GINM1: variants seen among roughly 807,000 people sequenced by gnomAD.
GINM1 encodes the protein glycoprotein integral membrane protein 1.
In GINM1, 29 loss-of-function variants were observed where a neutral mutation model predicts 37.8. The ratio of observed to expected loss-of-function variants is 0.77; its 90% CI spans 0.57 to 1.05. GINM1 has a LOEUF of 1.05. Among genes scored for constraint, GINM1 ranks in the 50% least tolerant of loss-of-function variants. GINM1 has a pLI of 0.00. For missense variants in GINM1, 377 were observed against 397.9 expected (o/e 0.95, Z 0.45); for synonymous variants, 143 against 146.2 (o/e 0.98, Z 0.16).
At chr6:149,581,964 T>TAA (rs1778009148) in intron 6 of GINM1, 1 of 464,934 alleles carries the variant, frequency 2.2e-6, no homozygotes, top group South Asian at 1.6e-5. Flanking sequence ...CTCTCGCTCT[T>TAA]AAAGTATAGA....
At chr6:149,581,098 C>G (rs1777993681) in intron 6 of GINM1, among the ~76,000 whole-genome samples, 2 of 152,138 alleles carry the variant, frequency 1.3e-5, no homozygotes, top group African/African-American at 4.8e-5. Flanking sequence ...AATATACTTC[C>G]TAGAGTCAGC....
intron 3 of GINM1, among the ~76,000 whole-genome samples, chr6:149,576,624 C>CGATA (rs751281623): frequency 6.6e-6 from 1 of 151,920 alleles, no homozygotes; most frequent in Non-Finnish European, 1.5e-5. Context: ...ATTCATAGAT[C>CGATA]GATAGATAGA....
rs188579475 is a variant in GINM1, at chr6:149,581,039, G to C, written c.717+316G>C. Among the ~76,000 whole-genome samples, 13 of 152,290 alleles carry C rather than the reference G, an allele frequency of 8.5e-5. No individual in the cohort carries two copies. The East Asian group carries it at 2.3e-3, about 27-fold the overall frequency. The stretch of plus-strand genomic sequence containing the variant: ...CCCGCTACCTCGCATACACACATAT[G>C]CATTGTGCCCCCAGGATCTTGCCCA... On this transcript the variant is annotated intron_variant, in intron 6 of 7. Transcript: ENST00000367419.
intron 1 of GINM1, among the ~76,000 whole-genome samples, chr6:149,570,641 C>G (rs189614205): frequency 6.6e-6 from 1 of 152,222 alleles, no homozygotes; most frequent in East Asian, 1.9e-4. Flanking sequence ...GTCTTATTCT[C>G]TCATTTGTGG....
chr6:149,587,193 G>C (rs557402879), intron 7 of GINM1, among the ~76,000 whole-genome samples: 1 of 152,266 alleles, frequency 6.6e-6, no homozygotes, highest in Admixed American at 6.5e-5. Flanking sequence ...AAAATACTTT[G>C]GTTTTTCCTA....
At chr6:149,586,591 A>T (rs1778074347) in intron 7 of GINM1, among the ~76,000 whole-genome samples, 1 of 152,212 alleles carries the variant, frequency 6.6e-6, no homozygotes. Context: ...AATATTACAC[A>T]TGAAGTCTCT....
rs1008399296 is a variant in GINM1, at chr6:149,566,716, G to A, written c.120+182G>A. ...GCGGCGTGGGAGGCCGAGGTAAGAG[G>A]AAAGGGACCCACTGGGGCTGCGTCG... On this transcript the variant is annotated intron_variant, in intron 1 of 7. Coordinates refer to ENST00000367419, the MANE Select transcript of GINM1 (RefSeq NM_138785.5). The surrounding 1 kb of genome is among the most constrained non-coding windows in gnomAD (Gnocchi z 4.4). Among the ~76,000 whole-genome samples, 3 of 152,206 alleles carry A rather than the reference G, an allele frequency of 2.0e-5. No homozygotes were observed. The highest frequency in any genetic ancestry group is 2.9e-5 in the Non-Finnish European group (2 of 68,034).
chr6:149,572,171 A>C, intron 1 of GINM1, 114 bp from the exon 2 acceptor site: 2 of 533,186 alleles, frequency 3.8e-6, no homozygotes, highest in Non-Finnish European at 6.7e-6. Context: ...AAACTCTCTT[A>C]ATGCTGTTAT....
intron 7 of GINM1, among the ~76,000 whole-genome samples, chr6:149,587,189 C>T (rs1160960438): frequency 6.6e-6 from 1 of 152,116 alleles, no homozygotes; most frequent in Non-Finnish European, 1.5e-5. Context: ...AGGAAAAATA[C>T]TTTGGTTTTT....
intron 7 of GINM1, among the ~76,000 whole-genome samples, chr6:149,584,103 G>A (rs1778037645): frequency 6.6e-6 from 1 of 152,048 alleles, no homozygotes; most frequent in African/African-American, 2.4e-5. Flanking sequence ...AGCCTCCCGA[G>A]TAGCTGGGAT....
chr6:149,572,631 T>C (rs1777846704), intron 3 of GINM1, 28 bp downstream of exon 3: 4 of 1,238,254 alleles, frequency 3.2e-6, no homozygotes, highest in Non-Finnish European at 3.6e-6. Context: ...ATTTCCATAA[T>C]TGCTCTGTTT....
chr6:149,580,744 T>C, intron 6 of GINM1, 21 bp downstream of exon 6: 1 of 1,609,432 alleles, frequency 6.2e-7, no homozygotes, highest in Non-Finnish European at 8.5e-7. Flanking sequence ...TATTTGGTGT[T>C]ATCATAAGCA....
chr6:149,583,094 C>T (rs1778024646), intron 7 of GINM1, among the ~76,000 whole-genome samples: 2 of 152,040 alleles, frequency 1.3e-5, no homozygotes, highest in African/African-American at 2.4e-5. Flanking sequence ...TTTGGGAGTC[C>T]AAGGCAGGTG....
At chr6:149,572,825 C>G (rs1208168493) in intron 3 of GINM1, among the ~76,000 whole-genome samples, 1 of 152,096 alleles carries the variant, frequency 6.6e-6, no homozygotes, top group Non-Finnish European at 1.5e-5. Context: ...CCATACCCGG[C>G]TAACTTTTGT....
chr6:149,582,023 A>G (rs1383987396), intron 6 of GINM1: 4 of 471,120 alleles, frequency 8.5e-6, no homozygotes. Context: ...AAATTTTCTA[A>G]TATGTTTGTC....
chr6:149,587,246 G>A (rs1259735577), intron 7 of GINM1, among the ~76,000 whole-genome samples: 1 of 152,186 alleles, frequency 6.6e-6, no homozygotes, highest in Non-Finnish European at 1.5e-5. Context: ...ACCAATACGT[G>A]TGTGGGGATT....
intron 1 of GINM1, among the ~76,000 whole-genome samples, chr6:149,568,901 G>A (rs951565870): frequency 2.0e-5 from 3 of 152,028 alleles, no homozygotes; most frequent in Admixed American, 2.0e-4. Context: ...GCATGATCTC[G>A]GCTCACTGCA....
chr6:149,578,368 T>C (rs1047389222), intron 3 of GINM1, among the ~76,000 whole-genome samples: 1 of 151,222 alleles, frequency 6.6e-6, no homozygotes, highest in Non-Finnish European at 1.5e-5. Context: ...CTGCTAAAAA[T>C]ACAAAAAAAC....
intron 3 of GINM1, among the ~76,000 whole-genome samples, chr6:149,575,524 T>C (rs1464992951): frequency 1.3e-5 from 2 of 152,208 alleles, no homozygotes; most frequent in African/African-American, 2.4e-5. Context: ...TGTCTGGGAG[T>C]TGGCAAATGC....
Sources: allele counts gnomAD v4.1 joint callset (sites outside exome capture counted in the v4.1 genomes callset), GRCh38; gene constraint gnomAD v4.1.1; non-coding constraint Gnocchi (gnomAD v3.1); transcripts MANE v1.5; gene names NCBI Gene and HGNC (gene_info 2026-07-23, HGNC 2026-07-21).